PIK3C2G: variants seen among roughly 807,000 people sequenced by gnomAD.
PIK3C2G encodes the protein phosphatidylinositol-4-phosphate 3-kinase catalytic subunit type 2 gamma.
In PIK3C2G, 168 loss-of-function variants were observed where a neutral mutation model predicts 181.1. That is an observed-to-expected ratio of 0.93 (90% CI 0.82 to 1.05). PIK3C2G has a LOEUF of 1.05. PIK3C2G is among the 50% of genes least tolerant of loss of function. The pLI is 0.00. For synonymous variants in PIK3C2G, 573 were observed against 592.2 expected, an observed-to-expected ratio of 0.97 and a Z score of 0.47; for missense variants, 1,869 against 1,732.8, an observed-to-expected ratio of 1.08 and a Z score of -1.40.
intron 24 of PIK3C2G, among the ~76,000 whole-genome samples, chr12:18,534,265 C>T (rs371523520): frequency 1.3e-5 from 2 of 151,942 alleles, no homozygotes; most frequent in South Asian, 4.1e-4. Flanking sequence ...CTATTTCTTA[C>T]ATCAAGTGAA....
chr12:18,278,077 T>C (rs937229217), intron 1 of PIK3C2G, among the ~76,000 whole-genome samples: 30 of 152,206 alleles, frequency 2.0e-4, no homozygotes, highest in African/African-American at 7.0e-4. Flanking sequence ...ATTTAGGAAA[T>C]ACCTTTCAGT....
At chr12:18,242,970 A>G (rs1179297013), upstream of PIK3C2G, among the ~76,000 whole-genome samples, 1 of 152,152 alleles carries the variant, frequency 6.6e-6, no homozygotes, top group African/African-American at 2.4e-5. Flanking sequence ...GAATCATTAA[A>G]CACGAAACGA....
chr12:18,381,702 AG>A (rs1762904747), intron 13 of PIK3C2G, 63 bp from the exon 14 acceptor site: 1 of 926,654 alleles, frequency 1.1e-6, no homozygotes, highest in Admixed American at 1.8e-5. Flanking sequence ...AAACATTTAC[AG>A]ATAATTATAA....
intron 24 of PIK3C2G, among the ~76,000 whole-genome samples, chr12:18,517,312 A>G (rs542542752): frequency 1.3e-5 from 2 of 152,146 alleles, no homozygotes; most frequent in South Asian, 2.1e-4. Context: ...AAGAGCACCA[A>G]AACTTAAGCC....
At chr12:18,517,116 T>C (rs1395982485) in intron 24 of PIK3C2G, among the ~76,000 whole-genome samples, 1 of 151,708 alleles carries the variant, frequency 6.6e-6, no homozygotes, top group African/African-American at 2.4e-5. Flanking sequence ...ATTTGAGAAG[T>C]TGGCCATGTC....
chr12:18,678,394 T>G, the PIK3C2G span, among the ~76,000 whole-genome samples: 1 of 152,180 alleles, frequency 6.6e-6, no homozygotes, highest in South Asian at 2.1e-4. Context: ...ACGTTTGAAG[T>G]ATACAATTTG....
the PIK3C2G span, among the ~76,000 whole-genome samples, chr12:18,684,523 T>C: frequency 1.3e-5 from 2 of 151,968 alleles, no homozygotes; most frequent in African/African-American, 2.4e-5. Flanking sequence ...AACCACCCCA[T>C]CAGGGTGGGA....
At chr12:18,354,685 T>C (rs1029898509) in intron 11 of PIK3C2G, among the ~76,000 whole-genome samples, 7 of 152,204 alleles carry the variant, frequency 4.6e-5, no homozygotes, top group Admixed American at 6.5e-5. Context: ...AAAGGGCTAA[T>C]AGGCATTTTT....
rs147166553 is a variant in PIK3C2G, at chr12:18,539,557, A to G, written c.3480+1245A>G. On this transcript the variant is annotated intron_variant, in intron 25 of 32. Coordinates refer to ENST00000538779, the MANE Select transcript of PIK3C2G (RefSeq NM_001288772.2). ...ACAAAATTTAAAATTCCAGTCTTCA[A>G]TTTCACTGATCACATTTCAAGTACT... Among the ~76,000 whole-genome samples the G allele has an allele frequency of 2.0e-5, 3 of 151,964 alleles. 1 individual carries two copies. The highest frequency in any genetic ancestry group is 7.2e-5 in the African/African-American group (3 of 41,512).
intron 18 of PIK3C2G, 28 bp from the exon 19 acceptor site, chr12:18,488,421 A>C: frequency 6.9e-7 from 1 of 1,449,728 alleles, no homozygotes; most frequent in East Asian, 2.5e-5. Flanking sequence ...TTTACATACA[A>C]GAATTTTTTT....
intron 24 of PIK3C2G, among the ~76,000 whole-genome samples, chr12:18,521,247 C>T (rs1047411757): frequency 6.6e-5 from 10 of 152,134 alleles, no homozygotes; most frequent in Non-Finnish European, 1.5e-4. Context: ...GAGCAGGACT[C>T]GTTTAACGAA....
intron 31 of PIK3C2G, among the ~76,000 whole-genome samples, chr12:18,619,560 T>TATTTTC (rs1948750894): frequency 1.3e-5 from 2 of 152,120 alleles, no homozygotes; most frequent in Admixed American, 1.3e-4. Context: ...TGGTATGGTA[T>TATTTTC]ATTTTCATTT....
intron 18 of PIK3C2G, among the ~76,000 whole-genome samples, chr12:18,424,245 T>C (rs992638257): frequency 1.3e-5 from 2 of 152,228 alleles, no homozygotes; most frequent in Non-Finnish European, 2.9e-5. Flanking sequence ...CAGTTGCTAC[T>C]GTTAATCAGG....
chr12:18,489,618 T>C (rs1490008348), intron 19 of PIK3C2G, among the ~76,000 whole-genome samples: 4 of 152,114 alleles, frequency 2.6e-5, no homozygotes, highest in South Asian at 2.1e-4. Context: ...TAGACTCCAG[T>C]ACACAGAGGA....
At chr12:18,292,135 G>C (rs1177724049) in intron 4 of PIK3C2G, among the ~76,000 whole-genome samples, 1 of 146,432 alleles carries the variant, frequency 6.8e-6, no homozygotes, top group African/African-American at 2.5e-5. Context: ...GCTTGAACCA[G>C]GGAGGTGGAG....
rs796990323 is a variant in PIK3C2G, at chr12:18,264,653, A to AT, written c.-79+3087dup. 1.7e-3 allele frequency among the ~76,000 whole-genome samples: 247 copies of AT among 147,530 alleles called. 1 individual carries two copies. The highest frequency in any genetic ancestry group is 4.5e-3 in the African/African-American group (183 of 40,450). ...TATTGTGCATCTTTGAATAGGAGTA[A>AT]TTTTTTTTTTTCTGGAGACAGCTAC... On this transcript the variant is annotated intron_variant, in intron 1 of 32. Coordinates refer to ENST00000538779, the MANE Select transcript of PIK3C2G (RefSeq NM_001288772.2).
the PIK3C2G span, chr12:18,683,373 G>C: frequency 6.4e-7 from 1 of 1,571,988 alleles, no homozygotes. Context: ...TTAATCAGTG[G>C]TGTCTCCAAT....
At chr12:18,709,712 C>G in the PIK3C2G span, among the ~76,000 whole-genome samples, 1 of 151,878 alleles carries the variant, frequency 6.6e-6, no homozygotes, top group African/African-American at 2.4e-5. Flanking sequence ...CAATACCACA[C>G]CCCAAGGGAA....
intron 15 of PIK3C2G, among the ~76,000 whole-genome samples, chr12:18,394,789 G>C (rs1943754278): frequency 6.6e-6 from 1 of 151,828 alleles, no homozygotes; most frequent in South Asian, 2.1e-4. Flanking sequence ...AAAATAATGA[G>C]AGCGCCTTGT....
Sources: allele counts gnomAD v4.1 joint callset (sites outside exome capture counted in the v4.1 genomes callset), GRCh38; gene constraint gnomAD v4.1.1; transcripts MANE v1.5; gene names NCBI Gene and HGNC (gene_info 2026-07-23, HGNC 2026-07-21).